The following POLR2F variants were observed in gnomAD, a reference collection of about 807,000 sequenced individuals.
POLR2F encodes the protein RNA polymerase II, I and III subunit F, also known as DNA-directed RNA polymerases I, II, and III subunit RPABC2.
POLR2F carries 12 observed loss-of-function variants against 22.7 expected under a neutral mutation model. The ratio of observed to expected loss-of-function variants is 0.53; its 90% CI spans 0.34 to 0.86. The LOEUF (loss-of-function observed/expected upper bound fraction) is 0.86, where lower values mean the gene tolerates loss of function less well. Ranked by LOEUF, POLR2F falls within the 40% of genes least tolerant of loss-of-function variation. The pLI, the probability that POLR2F is intolerant of heterozygous loss-of-function variation, is 0.02. For synonymous variants in POLR2F, 57 were observed against 66.0 expected (o/e 0.86, Z 0.66); for missense variants, 126 against 171.5 (o/e 0.73, Z 1.48).
downstream of POLR2F, chr22:37,973,731 C>T (rs1397403248): frequency 6.2e-7 from 1 of 1,603,406 alleles, no homozygotes; most frequent in East Asian, 2.2e-5. Context: ...AAGGCTGAGC[C>T]ATAGTGGGGC....
At chr22:37,993,983 C>T (rs988960666) in intron 1 of POLR2F, among the ~76,000 whole-genome samples, 13 of 152,176 alleles carry the variant, frequency 8.5e-5, no homozygotes, top group Non-Finnish European at 1.6e-4. Flanking sequence ...AGCAAGACTC[C>T]GTCTCAAAAG....
chr22:37,979,086 C>T (rs945651963), intron 4 of POLR2F, among the ~76,000 whole-genome samples: 1 of 149,664 alleles, frequency 6.7e-6, no homozygotes, highest in Non-Finnish European at 1.5e-5. Flanking sequence ...CCAAGAGGTA[C>T]TTTTCTATTT....
chr22:38,029,737 A>G (rs1428842731), downstream of POLR2F, among the ~76,000 whole-genome samples: 1 of 152,134 alleles, frequency 6.6e-6, no homozygotes, highest in Non-Finnish European at 1.5e-5. Flanking sequence ...CAAGCTAGGG[A>G]AGGCAGGGGA....
At chr22:38,033,199 A>G (rs1311862271) in intron 5 of POLR2F, 2 of 152,004 alleles carry the variant, frequency 1.3e-5, no homozygotes, top group African/African-American at 2.4e-5. Context: ...AAAAAAAAGG[A>G]AGTGGACAAA....
chr22:38,020,763 G>C (rs189782333), intron 1 of POLR2F, among the ~76,000 whole-genome samples: 115 of 151,870 alleles, frequency 7.6e-4, no homozygotes, highest in African/African-American at 2.8e-3. Context: ...AAAACACAAA[G>C]AAGTCGGGTG....
chr22:37,978,231 G>T lies in POLR2F; in HGVS notation c.293+11061G>T. ...CTCCCTCTGAGTGTCCATCTTGGAA[G>T]ATGTGAGGCCCTGGGATGGGGCACC... is the stretch of plus-strand genomic sequence containing the variant. On this transcript the variant is annotated intron_variant, in intron 4 of 4. Coordinates refer to the POLR2F transcript ENST00000405557. The surrounding 1 kb of genome is among the most constrained non-coding windows in gnomAD (Gnocchi z 5.0). The T allele has an allele frequency of 7.5e-7, 1 of 1,338,000 alleles. No homozygotes were observed. The highest frequency in any genetic ancestry group is 9.9e-7 in the Non-Finnish European group (1 of 1,009,246). The allele number at this position is 1,338,000 out of a possible 1,614,324, so 82.9% of individuals were successfully genotyped here.
rs1948129300 is a variant in POLR2F, at chr22:38,016,214, G to A, written c.121-9655G>A. The stretch of plus-strand genomic sequence containing the variant: ...CCCTGAAAGGCACAGCTGGGCCAAA[G>A]CCTGGGGTCATCATCATGTAGACCC... On this transcript the variant is annotated intron_variant, in intron 1 of 2. Transcript: ENST00000333418. This position sits in a 1 kb window ranked among gnomAD's most constrained non-coding sequence, Gnocchi z 4.4. Among the ~76,000 whole-genome samples the A allele has an allele frequency of 6.6e-6, 1 of 152,198 alleles. No individual in the cohort carries two copies. The highest frequency in any genetic ancestry group is 1.5e-5 in the Non-Finnish European group (1 of 68,030).
downstream of POLR2F, chr22:37,971,116 G>A (rs1601876364): frequency 5.0e-6 from 2 of 403,614 alleles, no homozygotes; most frequent in Admixed American, 2.9e-5. Context: ...AGGGAGCTGA[G>A]GATGCCCAGT....
chr22:37,967,527 G>T, intron 4 of POLR2F, 98 bp from the exon 5 acceptor site: 1 of 1,546,160 alleles, frequency 6.5e-7, no homozygotes, highest in South Asian at 1.3e-5. Context: ...CTGCTCCTAA[G>T]ACTTCTCTTT....
chr22:37,991,592 T>G (rs1048727838), intron 1 of POLR2F, among the ~76,000 whole-genome samples: 2 of 152,192 alleles, frequency 1.3e-5, no homozygotes, highest in African/African-American at 4.8e-5. Flanking sequence ...CTTGTAGAGT[T>G]TTTGATGGAA....
chr22:38,010,343 C>T (rs955475541), intron 1 of POLR2F, among the ~76,000 whole-genome samples: 3 of 151,670 alleles, frequency 2.0e-5, no homozygotes, highest in African/African-American at 7.3e-5. Flanking sequence ...GCACTGCACT[C>T]CAGCCTGGGC....
chr22:37,959,314 A>G, intron 2 of POLR2F, 32 bp from the exon 3 acceptor site: 1 of 1,609,580 alleles, frequency 6.2e-7, no homozygotes, highest in Middle Eastern at 1.7e-4. Flanking sequence ...GTGCCACCTG[A>G]GTCTTTCCCT....
At chr22:37,979,832 C>G (rs3026645) in intron 4 of POLR2F, among the ~76,000 whole-genome samples, 9,688 of 152,108 alleles carry the variant, frequency 0.064, 378 homozygotes, top group East Asian at 0.096. Context: ...GACCTTGGTA[C>G]TGAGAATCCA....
intron 3 of POLR2F, among the ~76,000 whole-genome samples, chr22:37,962,695 AT>A (rs1331767455): frequency 2.6e-5 from 4 of 152,144 alleles, no homozygotes; most frequent in Non-Finnish European, 4.4e-5. Context: ...TTATTTATTT[AT>A]TTAATTTTTT....
chr22:37,967,828 T>C lies in POLR2F; in HGVS notation c.*113T>C. 1 of 1,454,892 alleles carries C rather than the reference T, an allele frequency of 6.9e-7. No individual in the cohort carries two copies. Among genetic ancestry groups the C allele is most frequent in the Non-Finnish European group, 9.0e-7 (1 of 1,106,954 alleles). The allele number at this position is 1,454,892 out of a possible 1,614,324, so 90.1% of individuals were successfully genotyped here. A position where few individuals can be genotyped will look rare whatever the true frequency, so the allele number is the denominator to read the frequency against. ...CCCCTTCCCCTCTGCTTATCTGCAATGTCACCACCTGTTGCTTCCCCGTTA... is the reference window on the plus strand; with the variant it reads ...CCCCTTCCCCTCTGCTTATCTGCAACGTCACCACCTGTTGCTTCCCCGTTA... On this transcript the variant is annotated 3_prime_UTR_variant, in exon 5 of 5. Coordinates refer to ENST00000442738, the MANE Select transcript of POLR2F (RefSeq NM_021974.5).
chr22:37,969,496 C>T (rs1164563333), downstream of POLR2F, among the ~76,000 whole-genome samples: 1 of 152,202 alleles, frequency 6.6e-6, no homozygotes, highest in Admixed American at 6.5e-5. Flanking sequence ...CCCCTCCTTC[C>T]ACATCCTCAG....
At chr22:37,973,677 G>C, downstream of POLR2F, 1 of 1,612,842 alleles carries the variant, frequency 6.2e-7, no homozygotes, top group Non-Finnish European at 8.5e-7. Context: ...GGTCCTGAGG[G>C]CTGATGGTCA....
In POLR2F at chr22:37,986,623, C is replaced by G. The variant is rs1167894987; in HGVS notation, c.120+311C>G. 4.5e-6 allele frequency: 3 copies of G among 662,694 alleles called. No homozygotes were observed. The highest frequency in any genetic ancestry group is 1.5e-5 in the South Asian group (1 of 66,362). 41.1% of individuals were successfully genotyped at this position (662,694 alleles called of 1,614,324 possible). ...GCCACTCCCTCTCTCTCTCCCTTGT[C>G]CCCGCACAGACACTGCCTTCCTCTC... On this transcript the variant is annotated intron_variant, in intron 1 of 2. Coordinates refer to the POLR2F transcript ENST00000333418. The surrounding 1 kb of genome is among the most constrained non-coding windows in gnomAD (Gnocchi z 4.7).
downstream of POLR2F, among the ~76,000 whole-genome samples, chr22:38,027,460 G>T (rs373367211): frequency 6.6e-6 from 1 of 152,024 alleles, no homozygotes; most frequent in African/African-American, 2.4e-5. Flanking sequence ...GGTGGCTTCC[G>T]CAGCATGTCC....
Sources: gnomAD v4.1 joint callset for allele counts (sites outside exome capture counted in the v4.1 genomes callset) on GRCh38, gnomAD v4.1.1 for gene constraint, Gnocchi (gnomAD v3.1) non-coding constraint, MANE v1.5 for transcripts, NCBI Gene and HGNC (gene_info 2026-07-23, HGNC 2026-07-21) for gene names.